RIMS2: variants seen among roughly 807,000 people sequenced by gnomAD.
RIMS2 encodes the protein regulating synaptic membrane exocytosis protein 2.
A neutral mutation model predicts 174.4 loss-of-function variants in RIMS2; 59 were observed. The observed-to-expected ratio is 0.34, with a 90% CI of 0.27 to 0.42. The LOEUF is 0.42. Among genes scored for constraint, RIMS2 ranks in the 10% least tolerant of loss-of-function variants. The probability of loss-of-function intolerance (pLI) is 1.00; values close to 1 mark genes in which losing one functional copy is unlikely to be tolerated. For missense variants in RIMS2, 1,620 were observed against 1,666.3 expected (o/e 0.97, Z 0.48); for synonymous variants, 606 against 572.5 (o/e 1.06, Z -0.84).
intron 3 of RIMS2, among the ~76,000 whole-genome samples, chr8:103,769,626 G>A (rs1390699280): frequency 6.6e-6 from 1 of 151,802 alleles, no homozygotes; most frequent in East Asian, 1.9e-4. Context: ...GTGCCCGGTT[G>A]CCTATCTGTA....
chr8:103,683,801 T>C (rs2096907870), intron 1 of RIMS2, among the ~76,000 whole-genome samples: 1 of 152,188 alleles, frequency 6.6e-6, no homozygotes, highest in Admixed American at 6.6e-5. Flanking sequence ...CATTCATTTA[T>C]GGGCCTGAAC....
At chr8:103,509,499 AGT>A (rs1825420757) in intron 1 of RIMS2, among the ~76,000 whole-genome samples, 1 of 152,098 alleles carries the variant, frequency 6.6e-6, no homozygotes, top group South Asian at 2.1e-4. Flanking sequence ...TGGAAATATG[AGT>A]GTATTTTAGG....
intron 19 of RIMS2, among the ~76,000 whole-genome samples, chr8:104,219,009 C>T (rs960506133): frequency 1.3e-5 from 2 of 152,152 alleles, no homozygotes; most frequent in African/African-American, 4.8e-5. Context: ...ACCTCTATTT[C>T]AGGAATAAAC....
At chr8:103,912,291 T>C (rs1015120977) in intron 6 of RIMS2, 119 bp downstream of exon 9, 3 of 646,802 alleles carry the variant, frequency 4.6e-6, no homozygotes, top group South Asian at 3.3e-5. Context: ...TTTCAATAGT[T>C]TGTGAAGATT....
chr8:103,618,478 G>T (rs969209342), intron 1 of RIMS2, among the ~76,000 whole-genome samples: 10 of 152,138 alleles, frequency 6.6e-5, no homozygotes, highest in Non-Finnish European at 1.2e-4. Context: ...GTAGGGACAG[G>T]ATTCAAAGAA....
chr8:103,578,423 C>G (rs1048171586), intron 1 of RIMS2, among the ~76,000 whole-genome samples: 1 of 152,074 alleles, frequency 6.6e-6, no homozygotes, highest in East Asian at 1.9e-4. Context: ...CCCAGCTACT[C>G]GGGAGACTGA....
chr8:103,792,956 A>G (rs2098514467), intron 3 of RIMS2, among the ~76,000 whole-genome samples: 2 of 152,154 alleles, frequency 1.3e-5, no homozygotes, highest in African/African-American at 4.8e-5. Flanking sequence ...TACCAACCAA[A>G]AAAAGTCCAG....
intron 19 of RIMS2, among the ~76,000 whole-genome samples, chr8:104,229,925 C>A (rs945615987): frequency 6.6e-6 from 1 of 152,204 alleles, no homozygotes; most frequent in African/African-American, 2.4e-5. Context: ...TAGACATCAC[C>A]AAAGGTGTCT....
At chr8:103,744,202 C>T (rs568241853) in intron 2 of RIMS2, among the ~76,000 whole-genome samples, 2 of 152,196 alleles carry the variant, frequency 1.3e-5, no homozygotes, top group Admixed American at 1.3e-4. Context: ...TGCGCCACCA[C>T]GCCTAGCTAA....
At chr8:104,115,796 A>T (rs1198963199) in intron 19 of RIMS2, among the ~76,000 whole-genome samples, 2 of 152,142 alleles carry the variant, frequency 1.3e-5, no homozygotes, top group African/African-American at 4.8e-5. Context: ...GCACCCATTA[A>T]AGGGGGAAAG....
intron 2 of RIMS2, among the ~76,000 whole-genome samples, chr8:103,759,379 C>T (rs183225012): frequency 5.6e-4 from 85 of 152,012 alleles, no homozygotes; most frequent in Non-Finnish European, 2.4e-4. Context: ...TCCTGGCTAA[C>T]ACGGTGAAAC....
chr8:104,170,597 GT>G (rs908130786), intron 19 of RIMS2, among the ~76,000 whole-genome samples: 2 of 151,954 alleles, frequency 1.3e-5, no homozygotes, highest in Admixed American at 6.6e-5. Flanking sequence ...TTGGTTGGTG[GT>G]TTTTTATCCA....
chr8:103,747,810 A>G (rs1263608417), intron 2 of RIMS2, among the ~76,000 whole-genome samples: 1 of 152,170 alleles, frequency 6.6e-6, no homozygotes, highest in East Asian at 1.9e-4. Context: ...TCTGAAATTC[A>G]CTTTTGGACT....
At chr8:103,876,514 G>A (rs2099137896) in intron 3 of RIMS2, among the ~76,000 whole-genome samples, 1 of 151,312 alleles carries the variant, frequency 6.6e-6, no homozygotes, top group South Asian at 2.1e-4. Context: ...AAGTTCTTTA[G>A]TGGTGATTTG....
intron 19 of RIMS2, among the ~76,000 whole-genome samples, chr8:104,145,671 C>CAATAAATAAATA (rs61691382): frequency 0.15 from 19,548 of 132,474 alleles, 1,988 homozygotes; most frequent in East Asian, 0.39. Context: ...ACTAAAAATA[C>CAATAAATAAATA]AATAAATAAA....
intron 1 of RIMS2, among the ~76,000 whole-genome samples, chr8:103,675,051 C>T (rs927030351): frequency 6.6e-6 from 1 of 152,098 alleles, no homozygotes; most frequent in Non-Finnish European, 1.5e-5. Context: ...GCGAGGATTA[C>T]AGGCACTCGC....
intron 2 of RIMS2, among the ~76,000 whole-genome samples, chr8:103,710,063 A>T (rs968218915): frequency 3.3e-5 from 5 of 151,594 alleles, no homozygotes; most frequent in Non-Finnish European, 7.4e-5. Context: ...TTTTTTTTCA[A>T]ATTTGATCAT....
chr8:103,754,084 C>T (rs770967734), intron 2 of RIMS2, among the ~76,000 whole-genome samples: 5 of 152,194 alleles, frequency 3.3e-5, no homozygotes, highest in Admixed American at 2.6e-4. Context: ...AAATTTCCCT[C>T]TACACACTGC....
intron 2 of RIMS2, among the ~76,000 whole-genome samples, chr8:103,758,990 C>T (rs1235830950): frequency 1.3e-5 from 2 of 152,094 alleles, no homozygotes; most frequent in South Asian, 2.1e-4. Context: ...GTTAGGTATA[C>T]AGAAAAGAAC....
Sources: gnomAD v4.1 joint callset for allele counts (sites outside exome capture counted in the v4.1 genomes callset) on GRCh38, gnomAD v4.1.1 for gene constraint, MANE v1.5 for transcripts, NCBI Gene and HGNC (gene_info 2026-07-23, HGNC 2026-07-21) for gene names.